Variants in KLRF1 observed in about 807,000 individuals in gnomAD.
KLRF1 encodes the protein killer cell lectin-like receptor subfamily F member 1.
Under a neutral mutation model 30.7 loss-of-function variants are expected in KLRF1, and 27 were observed. The ratio of observed to expected loss-of-function variants is 0.88; its 90% CI spans 0.65 to 1.21. The LOEUF (loss-of-function observed/expected upper bound fraction) is 1.21, where lower values mean the gene tolerates loss of function less well. Among genes scored for constraint, KLRF1 ranks in the 50% most tolerant of loss-of-function variants. The pLI, the probability that KLRF1 is intolerant of heterozygous loss-of-function variation, is 0.00. For missense variants in KLRF1, 246 were observed against 259.3 expected (o/e 0.95, Z 0.35); for synonymous variants, 92 against 89.3 (o/e 1.03, Z -0.17).
At chr12:9,807,367 A>T in the KLRF1 span, among the ~76,000 whole-genome samples, 1 of 152,012 alleles carries the variant, frequency 6.6e-6, no homozygotes, top group East Asian at 1.9e-4. Context: ...TACTATTCTG[A>T]GTTTTCCTTA....
intron 3 of KLRF1, among the ~76,000 whole-genome samples, chr12:9,838,131 C>T (rs1223422156): frequency 1.3e-5 from 2 of 152,132 alleles, no homozygotes; most frequent in African/African-American, 4.8e-5. Context: ...TTCTGCACCT[C>T]CCTCTGTATC....
chr12:9,836,383 A>C (rs1217741346), intron 3 of KLRF1, among the ~76,000 whole-genome samples: 1 of 152,002 alleles, frequency 6.6e-6, no homozygotes, highest in Non-Finnish European at 1.5e-5. Context: ...CTGTTTTTCC[A>C]AGCCATCACA....
the KLRF1 span, among the ~76,000 whole-genome samples, chr12:9,802,004 C>T: frequency 4.0e-5 from 6 of 151,842 alleles, no homozygotes; most frequent in Admixed American, 1.3e-4. Context: ...AGAATCATCC[C>T]GATACCAAAA....
chr12:9,816,477 T>C, the KLRF1 span, among the ~76,000 whole-genome samples: 1 of 151,944 alleles, frequency 6.6e-6, no homozygotes, highest in South Asian at 2.1e-4. Flanking sequence ...TTCCAACTGG[T>C]GTCATTAGTG....
At chr12:9,829,602 A>G (rs1867365359) in intron 1 of KLRF1, among the ~76,000 whole-genome samples, 1 of 152,142 alleles carries the variant, frequency 6.6e-6, no homozygotes, top group South Asian at 2.1e-4. Flanking sequence ...AACAATAGAG[A>G]TAAAAAAATT....
chr12:9,804,079 A>G, the KLRF1 span, among the ~76,000 whole-genome samples: 1 of 151,980 alleles, frequency 6.6e-6, no homozygotes. Context: ...ATTTTTCTCC[A>G]TCCTTATCAA....
chr12:9,838,127 A>G (rs1033315356), intron 3 of KLRF1, among the ~76,000 whole-genome samples: 7 of 151,960 alleles, frequency 4.6e-5, no homozygotes, highest in African/African-American at 1.7e-4. Context: ...TTCCTTCTGC[A>G]CCTCCCTCTG....
At chr12:9,800,151 C>G in the KLRF1 span, among the ~76,000 whole-genome samples, 1,383 of 152,142 alleles carry the variant, frequency 9.1e-3, 20 homozygotes, top group African/African-American at 0.031. Flanking sequence ...GTTTAGTTTT[C>G]TAAGAAACTG....
chr12:9,805,902 G>T, the KLRF1 span, among the ~76,000 whole-genome samples: 1 of 151,686 alleles, frequency 6.6e-6, no homozygotes, highest in Non-Finnish European at 1.5e-5. Context: ...GATTTTGGTG[G>T]TATTTTCCGT....
intron 1 of KLRF1, among the ~76,000 whole-genome samples, chr12:9,831,988 G>A (rs1448271514): frequency 1.3e-5 from 2 of 152,108 alleles, no homozygotes; most frequent in Admixed American, 6.5e-5. Context: ...AAATGCATGT[G>A]CATGTTCATG....
the KLRF1 span, among the ~76,000 whole-genome samples, chr12:9,821,146 A>G: frequency 6.6e-6 from 1 of 151,942 alleles, no homozygotes; most frequent in African/African-American, 2.4e-5. Context: ...CACAGACACC[A>G]TAGGGAGAGG....
At chr12:9,810,573 G>A in the KLRF1 span, among the ~76,000 whole-genome samples, 6 of 152,222 alleles carry the variant, frequency 3.9e-5, no homozygotes, top group South Asian at 1.2e-3. Flanking sequence ...CATAAATATT[G>A]AATGACTAGT....
the KLRF1 span, among the ~76,000 whole-genome samples, chr12:9,801,207 AT>A: frequency 3.3e-5 from 5 of 152,198 alleles, no homozygotes; most frequent in East Asian, 9.7e-4. Context: ...ATAGTATTCC[AT>A]GGTGTATATG....
upstream of KLRF1, among the ~76,000 whole-genome samples, chr12:9,823,526 C>CA (rs998396209): frequency 2.0e-5 from 3 of 152,026 alleles, no homozygotes; most frequent in African/African-American, 7.2e-5. Flanking sequence ...AACGCCTACA[C>CA]AAAAAAGTTA....
chr12:9,812,132 G>A, the KLRF1 span, among the ~76,000 whole-genome samples: 1 of 152,148 alleles, frequency 6.6e-6, no homozygotes, highest in Non-Finnish European at 1.5e-5. Context: ...TTGGGAGGCC[G>A]AGGCGGGCGG....
chr12:9,819,522 G>A, the KLRF1 span, among the ~76,000 whole-genome samples: 16 of 152,100 alleles, frequency 1.1e-4, no homozygotes, highest in Admixed American at 3.9e-4. Flanking sequence ...CTGCTCTACA[G>A]GGAGGCTGCC....
chr12:9,826,215 C>T (rs73240940), upstream of KLRF1, among the ~76,000 whole-genome samples: 3,836 of 152,028 alleles, frequency 0.025, 145 homozygotes, highest in African/African-American at 0.087. Context: ...ATTTCTTCAC[C>T]CAGGTATTAA....
At chr12:9,832,685 G>A (rs1015342367) in intron 2 of KLRF1, among the ~76,000 whole-genome samples, 25 of 149,330 alleles carry the variant, frequency 1.7e-4, no homozygotes, top group Admixed American at 1.5e-3. Flanking sequence ...GTGTGTGTGT[G>A]TGTATGTGTG....
In KLRF1 at chr12:9,842,500, C is replaced by T; in HGVS notation, c.587+67C>T. 10 of 1,422,624 alleles carry T rather than the reference C, an allele frequency of 7.0e-6. No homozygotes were observed. In the South Asian group the frequency reaches 1.3e-4, roughly 18 times the overall value. The allele number at this position is 1,422,624 out of a possible 1,614,324, so 88.1% of individuals were successfully genotyped here. A position where few individuals can be genotyped will look rare whatever the true frequency, so the allele number is the denominator to read the frequency against. ...TAGAATATGTCTCCTCCAGGTTCAC[C>T]AAATTCAACTCTGAAATAGTTACTG... is the stretch of plus-strand genomic sequence containing the variant. On this transcript the variant is annotated intron_variant, in intron 5 of 5. Coordinates refer to ENST00000617889, the MANE Select transcript of KLRF1 (RefSeq NM_016523.3).
Sources: gnomAD v4.1 joint callset for allele counts (sites outside exome capture counted in the v4.1 genomes callset) on GRCh38, gnomAD v4.1.1 for gene constraint, MANE v1.5 for transcripts, NCBI Gene and HGNC (gene_info 2026-07-23, HGNC 2026-07-21) for gene names.